Variants in KRT75 observed in about 807,000 individuals in gnomAD.
KRT75 encodes the protein keratin, type II cytoskeletal 75.
KRT75 carries 35 observed loss-of-function variants against 48.8 expected under a neutral mutation model. That is an observed-to-expected ratio of 0.72 (90% CI 0.55 to 0.95). The LOEUF is 0.95. Ranked by LOEUF, KRT75 falls within the 40% of genes least tolerant of loss-of-function variation. The probability of loss-of-function intolerance (pLI) is 0.00; values close to 1 mark genes in which losing one functional copy is unlikely to be tolerated. For missense variants in KRT75, 776 were observed against 709.9 expected (o/e 1.09, Z -1.06); for synonymous variants, 301 against 282.3 (o/e 1.07, Z -0.66).
chr12:52,431,750 T>A, intron 3 of KRT75, 112 bp from the exon 4 acceptor site: 1 of 895,500 alleles, frequency 1.1e-6, no homozygotes, highest in Non-Finnish European at 1.8e-6. Flanking sequence ...TAGAAAACTC[T>A]GGGTCTGGGT....
At position 52,428,817 on chromosome 12, in the gene KRT75, C is replaced by T. The variant is rs2232400; in HGVS notation, c.1036-74G>A. The T allele has an allele frequency of 3.1e-4, 486 of 1,585,486 alleles. 2 individuals are homozygous for T. The East Asian group carries it at 7.8e-3, about 25-fold the overall frequency. ...GGCACTCGCTGTGCACACAGACCCA[C>T]CCTGGGTGCCACAAGCAGGCTCATT... On this transcript the variant is annotated intron_variant, in intron 5 of 8. Transcript: ENST00000252245.
chr12:52,433,549 C>A (rs997416532), intron 1 of KRT75, among the ~76,000 whole-genome samples: 1 of 152,138 alleles, frequency 6.6e-6, no homozygotes. Context: ...CAGCAACTCT[C>A]CTGTAGAGAA....
intron 3 of KRT75, 28 bp downstream of exon 3, chr12:52,431,978 C>G (rs781563188): frequency 3.1e-6 from 5 of 1,612,100 alleles, no homozygotes; most frequent in South Asian, 1.1e-5. Flanking sequence ...TTTAAACCTT[C>G]TCCTTTGAGA....
intron 7 of KRT75, 142 bp downstream of exon 7, chr12:52,428,114 A>G (rs1565791531): frequency 1.9e-6 from 2 of 1,033,716 alleles, no homozygotes; most frequent in Non-Finnish European, 2.9e-6. Context: ...AATTAAAATT[A>G]TTTTTTTGCC....
At chr12:52,430,801 G>A in intron 4 of KRT75, 96 bp from the exon 5 acceptor site, 1 of 1,341,590 alleles carries the variant, frequency 7.5e-7, no homozygotes, top group East Asian at 2.3e-5. Flanking sequence ...TCCTTTCCTT[G>A]GTATTCCTGG....
rs780966780 is a variant in KRT75, at chr12:52,434,108, C to G, written c.197G>C (p.Gly66Ala). 24 of 1,614,084 alleles carry G rather than the reference C, an allele frequency of 1.5e-5. No homozygotes were observed. In the East Asian group the frequency reaches 4.9e-4, roughly 33 times the overall value. Residue 66 changes from glycine to alanine, a missense_variant, in exon 1 of 9, where the codon GGG becomes GCG. Coordinates refer to ENST00000252245, the MANE Select transcript of KRT75 (RefSeq NM_004693.3). ...ATTGATGGAGACCCGCTTGGCACCC[C>G]CCAGGTTGTAGAGGCTGCGGCTTCC... ...SFGSRSLYNL[G>A]GAKRVSINGC...
intron 3 of KRT75, 69 bp from the exon 4 acceptor site, chr12:52,431,707 C>G: frequency 8.5e-7 from 1 of 1,181,302 alleles, no homozygotes; most frequent in Non-Finnish European, 1.3e-6. Context: ...AGAAGCTGAG[C>G]AGATTTCTCC....
intron 4 of KRT75, among the ~76,000 whole-genome samples, chr12:52,431,142 C>T (rs1004364275): frequency 1.3e-5 from 2 of 151,762 alleles, no homozygotes; most frequent in Non-Finnish European, 2.9e-5. Flanking sequence ...CAGAATGAGG[C>T]ATCTTCAAAG....
At position 52,424,617 on chromosome 12, in the gene KRT75, G is replaced by A. The variant is rs779270207; in HGVS notation, c.1556C>T (p.Ser519Phe). 11 of 1,614,054 alleles carry A rather than the reference G, an allele frequency of 6.8e-6. No homozygotes were observed. Among genetic ancestry groups the A allele is most frequent in the Middle Eastern group, 1.6e-4 (1 of 6,084 alleles). The change falls in exon 9 of 9, where the codon TCT (serine) becomes TTT (phenylalanine). Residue 519 changes from serine (S) to phenylalanine (F), a missense_variant. Physicochemically the swap from Ser to Phe is radical, Grantham distance 155 (BLOSUM62 -2). Transcript: ENST00000252245. ...CCGGTTGCTGGTGGCACTGAATCCA[G>A]AACCTCCCAGGCCTGCACCCAGGCT... Reference protein sequence around the residue: ...GHSLGAGLGGSGFSATSNRGL... With the variant: ...GHSLGAGLGGFGFSATSNRGL...
At position 52,428,708 on chromosome 12, in the gene KRT75, C is replaced by T. The variant is rs1940106420; in HGVS notation, c.1071G>A (p.Gly357=). The change falls in exon 6 of 9, where the codon GGG becomes GGA. Residue 357 remains glycine (G), a synonymous_variant. Coordinates refer to ENST00000252245, the MANE Select transcript of KRT75 (RefSeq NM_004693.3). ...EELQVTAGRH[G]DDLRNTKQEI... ...CTTGTTTGGTGTTTCGAAGGTCATC[C>T]CCATGTCTGCCTGCGGTGACCTGCA... The T allele has an allele frequency of 6.2e-7, 1 of 1,614,140 alleles. No individual in the cohort carries two copies. Among genetic ancestry groups the T allele is most frequent in the Non-Finnish European group, 8.5e-7 (1 of 1,180,040 alleles).
rs778600174 is a variant in KRT75, at chr12:52,426,769, C to G, written c.1417+48G>C. On this transcript the variant is annotated intron_variant, in intron 8 of 8. Transcript: ENST00000252245. ...TGGCAAGCCCACCACATCCCCATCC[C>G]CTCTACCACACACACTCCAAATGGC... is the stretch of plus-strand genomic sequence containing the variant. 12 of 1,591,540 alleles carry G rather than the reference C, an allele frequency of 7.5e-6. No homozygotes were observed. In the South Asian group the frequency reaches 1.1e-4, roughly 15 times the overall value.
chr12:52,428,098 G>C lies in KRT75; in HGVS notation c.1382+158C>G, dbSNP rs1327743928. Reference sequence around the variant, plus strand: ...GCACCTCAAATGATTTACTAGCCTGGAAGGAAATTAAAATTATTTTTTTGC... The same window carrying C: ...GCACCTCAAATGATTTACTAGCCTGCAAGGAAATTAAAATTATTTTTTTGC... On this transcript the variant is annotated intron_variant, in intron 7 of 8. Transcript: ENST00000252245. 2.8e-5 allele frequency: 26 copies of C among 925,746 alleles called. 1 individual carries two copies. Among genetic ancestry groups the C allele is most frequent in the Non-Finnish European group, 3.5e-5 (21 of 603,626 alleles). The allele number at this position is 925,746 out of a possible 1,614,324, so 57.3% of individuals were successfully genotyped here. A position where few individuals can be genotyped will look rare whatever the true frequency, so the allele number is the denominator to read the frequency against.
At chr12:52,431,509 C>T (rs1325908631) in intron 4 of KRT75, 34 bp downstream of exon 4, 6 of 1,429,264 alleles carry the variant, frequency 4.2e-6, no homozygotes, top group Middle Eastern at 1.7e-4. Flanking sequence ...AGGCTCCAGA[C>T]CTAGGAGAGA....
At position 52,431,775 on chromosome 12, in the gene KRT75, G is replaced by A. The variant is rs1286921562; in HGVS notation, c.775-137C>T. On this transcript the variant is annotated intron_variant, in intron 3 of 8. Transcript: ENST00000252245. ...TGGGTCTGGGTGATTTGGGGTTGGG[G>A]ATGGGTAATTACGGAGAACTGGGGG... The A allele has an allele frequency of 1.1e-5, 9 of 805,398 alleles. No individual in the cohort carries two copies. In the Admixed American group the frequency reaches 1.7e-4, roughly 15 times the overall value. 49.9% of individuals were successfully genotyped at this position (805,398 alleles called of 1,614,324 possible).
Position 52,430,566 on chromosome 12 carries a change from T to G in KRT75, c.1010A>C (p.Glu337Ala). 1 of 1,614,128 alleles carries G rather than the reference T, an allele frequency of 6.2e-7. No individual in the cohort carries two copies. The highest frequency in any genetic ancestry group is 1.1e-5 in the South Asian group (1 of 91,082). ...YEDIANRSRA[E>A]AESWYQTKYE... The stretch of plus-strand genomic sequence containing the variant: ...CTTGGTCTGGTACCAGGACTCAGCC[T>G]CGGCCCGGCTGCGGTTGGCAATGTC... Residue 337 changes from glutamate to alanine, a missense_variant, in exon 5 of 9, where the codon GAG (glutamate) becomes GCG (alanine). By Grantham distance (107) the Glu-to-Ala change is moderately radical. Coordinates refer to ENST00000252245, the MANE Select transcript of KRT75 (RefSeq NM_004693.3).
intron 5 of KRT75, 49 bp downstream of exon 5, chr12:52,430,492 C>T (rs750403342): frequency 8.8e-6 from 14 of 1,583,082 alleles, no homozygotes; most frequent in African/African-American, 1.3e-5. Context: ...AATGTGGAGC[C>T]TCAGAGAACA....
chr12:52,433,706 C>T, intron 1 of KRT75, 101 bp downstream of exon 1: 1 of 1,569,130 alleles, frequency 6.4e-7, no homozygotes, highest in South Asian at 1.1e-5. Context: ...TGCTCATTCC[C>T]ACAGTGGGGT....
intron 6 of KRT75, 45 bp downstream of exon 6, chr12:52,428,573 A>C (rs372627088): frequency 1.9e-6 from 3 of 1,614,028 alleles, no homozygotes; most frequent in Non-Finnish European, 2.5e-6. Flanking sequence ...AAAGGCCCAG[A>C]AGAAATGAGC....
At chr12:52,424,970 T>C (rs1223294772) in intron 8 of KRT75, among the ~76,000 whole-genome samples, 2 of 152,108 alleles carry the variant, frequency 1.3e-5, no homozygotes, top group African/African-American at 4.8e-5. Flanking sequence ...GGCTTCCTCC[T>C]CCCCTTCCAG....
Sources: allele counts gnomAD v4.1 joint callset (sites outside exome capture counted in the v4.1 genomes callset), GRCh38; gene constraint gnomAD v4.1.1; transcripts MANE v1.5; gene names NCBI Gene and HGNC (gene_info 2026-07-23, HGNC 2026-07-21).